The following BNIP2 variants were observed in gnomAD, a reference collection of about 807,000 sequenced individuals.
BNIP2 encodes BCL2 interacting protein 2.
In BNIP2, 36 loss-of-function variants were observed where a neutral mutation model predicts 43.4. The observed-to-expected ratio is 0.83, with a 90% confidence interval of 0.64 to 1.10. The LOEUF (loss-of-function observed/expected upper bound fraction) is 1.10. Among genes scored for constraint, BNIP2 ranks in the 50% least tolerant of loss-of-function variants. The pLI is 0.00. For missense variants in BNIP2, 417 were observed against 374.1 expected (o/e 1.11, Z -0.95); for synonymous variants, 146 against 121.0 (o/e 1.21, Z -1.35).
intron 6 of BNIP2, 78 bp from the exon 7 acceptor site, chr15:59,671,392 T>G: frequency 7.8e-7 from 1 of 1,290,058 alleles, no homozygotes; most frequent in South Asian, 1.5e-5. Flanking sequence ...TGTACCATTA[T>G]ACAATTCCTT....
chr15:59,686,661 T>C (rs571030925), intron 1 of BNIP2, among the ~76,000 whole-genome samples: 1 of 152,286 alleles, frequency 6.6e-6, no homozygotes, highest in East Asian at 1.9e-4. Context: ...ATCCTAGACA[T>C]GTGCTTGTCA....
chr15:59,682,401 T>G lies in BNIP2; in HGVS notation c.50+7A>C, dbSNP rs372634766. 2 of 1,606,628 alleles carry G rather than the reference T, an allele frequency of 1.2e-6. No homozygotes were observed. Among genetic ancestry groups the G allele is most frequent in the Non-Finnish European group, 1.7e-6 (2 of 1,177,344 alleles). On this transcript the variant is annotated splice_region_variant and intron_variant, in intron 2 of 9. Coordinates refer to ENST00000607373, the MANE Select transcript of BNIP2 (RefSeq NM_004330.4). ...TAAAATTGTTTTCTTTTAAAAGCAT[T>G]GCTCACATCGGAAAATCTTCATCTT...
At chr15:59,687,557 G>A (rs1894102400) in intron 1 of BNIP2, among the ~76,000 whole-genome samples, 1 of 151,802 alleles carries the variant, frequency 6.6e-6, no homozygotes, top group Non-Finnish European at 1.5e-5. Flanking sequence ...TCATAACGTT[G>A]GCCAGGTTTG....
intron 1 of BNIP2, among the ~76,000 whole-genome samples, chr15:59,683,545 G>A (rs760792613): frequency 2.0e-5 from 3 of 152,190 alleles, no homozygotes; most frequent in South Asian, 2.1e-4. Flanking sequence ...GGCCGGGCGC[G>A]GTGGCTCACG....
chr15:59,672,599 C>G (rs4774342), intron 6 of BNIP2, 38 bp downstream of exon 6: 1,450,872 of 1,470,036 alleles, frequency 0.99, 715,929 homozygotes, highest in Non-Finnish European at 0.99. Flanking sequence ...AATTAGCTCA[C>G]AATTCTGTCC....
At position 59,669,342 on chromosome 15, in the gene BNIP2, G is replaced by T; in HGVS notation, c.728C>A (p.Ser243Tyr). The T allele has an allele frequency of 1.3e-6, 2 of 1,526,106 alleles. No homozygotes were observed. The highest frequency in any genetic ancestry group is 1.8e-6 in the Non-Finnish European group (2 of 1,142,278). The allele number at this position is 1,526,106 out of a possible 1,614,324, so 94.5% of individuals were successfully genotyped here. Reference protein sequence around the residue: ...IDRRLRKNLKSLIIVHPSWFI... With the variant: ...IDRRLRKNLKYLIIVHPSWFI... The stretch of plus-strand genomic sequence containing the variant: ...CCAAGAAGGATGTACAATGATTAGG[G>T]ATTTTAGATTTTTCCGTAACCTGGA... The change falls in exon 8 of 10, where the codon TCC becomes TAC. Residue 243 changes from serine (S) to tyrosine (Y), a missense_variant. Ser to Tyr is a moderately radical substitution (Grantham distance 144). Coordinates refer to ENST00000607373, the MANE Select transcript of BNIP2 (RefSeq NM_004330.4).
rs1402859236 is a variant in BNIP2 at position 59,664,049 on chromosome 15, G to A, written c.*20C>T. ...CTCCATCAGCACATTCTTCAGTCTT[G>A]TTTGGACTAGATGCCAAACTTACTG... On this transcript the variant is annotated 3_prime_UTR_variant, in exon 10 of 10. Coordinates refer to ENST00000607373, the MANE Select transcript of BNIP2 (RefSeq NM_004330.4). 2.0e-6 allele frequency: 3 copies of A among 1,533,714 alleles called. No individual in the cohort carries two copies. The highest frequency in any genetic ancestry group is 2.6e-6 in the Non-Finnish European group (3 of 1,135,246).
intron 8 of BNIP2, 128 bp downstream of exon 8, chr15:59,669,145 GATC>G: frequency 9.6e-7 from 1 of 1,037,012 alleles, no homozygotes; most frequent in Non-Finnish European, 1.4e-6. Context: ...ACCCAGGTTT[GATC>G]ATTATACAAT....
intron 5 of BNIP2, among the ~76,000 whole-genome samples, chr15:59,674,445 ATAATT>A (rs1157427838): frequency 1.3e-4 from 20 of 152,252 alleles, no homozygotes; most frequent in Admixed American, 4.6e-4. Flanking sequence ...ATCAGGTCTT[ATAATT>A]TGATTCCTGT....
At chr15:59,677,829 CTT>C (rs1370033475) in intron 5 of BNIP2, 80 bp downstream of exon 5, 74 of 1,487,962 alleles carry the variant, frequency 5.0e-5, no homozygotes, top group Non-Finnish European at 6.5e-5. Context: ...CTTATTTACT[CTT>C]AATAAACAGA....
intron 2 of BNIP2, among the ~76,000 whole-genome samples, chr15:59,680,887 A>G (rs1488216676): frequency 2.0e-5 from 3 of 152,318 alleles, no homozygotes; most frequent in East Asian, 3.9e-4. Context: ...GTGACGTGCT[A>G]TGCCTGGCTA....
At chr15:59,683,573 T>G (rs1160295456) in intron 1 of BNIP2, among the ~76,000 whole-genome samples, 1 of 152,158 alleles carries the variant, frequency 6.6e-6, no homozygotes, top group Non-Finnish European at 1.5e-5. Flanking sequence ...TCCTAGCACT[T>G]TGGGAGGCCG....
chr15:59,688,597 G>T, intron 1 of BNIP2: 1 of 1,044,138 alleles, frequency 9.6e-7, no homozygotes, highest in Non-Finnish European at 1.4e-6. Flanking sequence ...AGAAAGGGTT[G>T]TGTCTAGATT....
At chr15:59,678,421 G>C in intron 4 of BNIP2, 1 of 1,073,934 alleles carries the variant, frequency 9.3e-7, no homozygotes. Flanking sequence ...GATTCAACTT[G>C]TGACAATATT....
chr15:59,677,249 C>G, intron 5 of BNIP2: 1 of 1,595,940 alleles, frequency 6.3e-7, no homozygotes, highest in Non-Finnish European at 8.6e-7. Flanking sequence ...CCCGGCTGGA[C>G]TGCTTGACTG....
rs142357508 is a variant in BNIP2, at chr15:59,688,628, G to A, written c.-58+507C>T. On this transcript the variant is annotated intron_variant, in intron 1 of 9. Transcript: ENST00000607373. ...AGATTCACGCGGGGACTCGGCTTTTGACGTACACACTCTGTATTTGGTTTA... is the reference window on the plus strand; with the variant it reads ...AGATTCACGCGGGGACTCGGCTTTTAACGTACACACTCTGTATTTGGTTTA... The A allele has an allele frequency of 5.3e-5, 72 of 1,363,712 alleles. No homozygotes were observed. The African/African-American group carries it at 9.4e-4, about 18-fold the overall frequency. The allele number at this position is 1,363,712 out of a possible 1,614,324, so 84.5% of individuals were successfully genotyped here.
rs2141983003 is a variant in BNIP2 at position 59,663,983 on chromosome 15, T to G, written c.*86A>C. On this transcript the variant is annotated 3_prime_UTR_variant, in exon 10 of 10. Coordinates refer to ENST00000607373, the MANE Select transcript of BNIP2 (RefSeq NM_004330.4). Reference sequence around the variant, plus strand: ...TATTTTGTAACAGGTTACATAAAAATATGGGCCAATAAATGCATTATGAAT... The same window carrying G: ...TATTTTGTAACAGGTTACATAAAAAGATGGGCCAATAAATGCATTATGAAT... 5.7e-6 allele frequency: 6 copies of G among 1,059,222 alleles called. No individual in the cohort carries two copies. The South Asian group carries it at 1.0e-4, about 18-fold the overall frequency. 65.6% of individuals were successfully genotyped at this position (1,059,222 alleles called of 1,614,324 possible).
intron 9 of BNIP2, among the ~76,000 whole-genome samples, chr15:59,667,267 A>G: frequency 6.6e-6 from 1 of 152,250 alleles, no homozygotes; most frequent in South Asian, 2.1e-4. Flanking sequence ...CCAGTTAGTT[A>G]CAGTTGGCTC....
rs963545002 is a variant in BNIP2, at chr15:59,660,325, A to C, written c.*3744T>G. 1 of 152,236 alleles carries C rather than the reference A, an allele frequency of 6.6e-6. No individual in the cohort carries two copies. Among genetic ancestry groups the C allele is most frequent in the Admixed American group, 6.5e-5 (1 of 15,288 alleles). 9.4% of individuals were successfully genotyped at this position (152,236 alleles called of 1,614,324 possible). The stretch of plus-strand genomic sequence containing the variant: ...GGATTGGAGAAAAAACAGGCATGAA[A>C]ACAAAATAGAATGGTGTAGCAATCT... On this transcript the variant is annotated 3_prime_UTR_variant, in exon 10 of 10. Transcript: ENST00000607373.
Sources: allele counts gnomAD v4.1 joint callset (sites outside exome capture counted in the v4.1 genomes callset), GRCh38; gene constraint gnomAD v4.1.1; transcripts MANE v1.5; gene names NCBI Gene and HGNC (gene_info 2026-07-23, HGNC 2026-07-21).